Variants in FILIP1 observed in about 807,000 individuals in gnomAD.
FILIP1 encodes the protein filamin-A-interacting protein 1.
Under a neutral mutation model 102.1 loss-of-function variants are expected in FILIP1, and 61 were observed. The observed-to-expected ratio is 0.60, with a 90% confidence interval of 0.49 to 0.74. The LOEUF (loss-of-function observed/expected upper bound fraction) is 0.74. Among genes scored for constraint, FILIP1 ranks in the 30% least tolerant of loss-of-function variants. The probability of loss-of-function intolerance (pLI) is 0.00; values close to 1 mark genes in which losing one functional copy is unlikely to be tolerated. For missense variants in FILIP1, 1,314 were observed against 1,441.2 expected (o/e 0.91, Z 1.43); for synonymous variants, 491 against 526.9 (o/e 0.93, Z 0.93).
intron 2 of FILIP1, among the ~76,000 whole-genome samples, chr6:75,378,288 C>A (rs1451973403): frequency 6.6e-6 from 1 of 152,120 alleles, no homozygotes; most frequent in Non-Finnish European, 1.5e-5. Flanking sequence ...TGCCTGGGGC[C>A]ATTTTAAACA....
At chr6:75,370,779 G>A in intron 2 of FILIP1, among the ~76,000 whole-genome samples, 1 of 151,838 alleles carries the variant, frequency 6.6e-6, no homozygotes, top group Non-Finnish European at 1.5e-5. Flanking sequence ...GTTTCACCAT[G>A]TTGGCCAGGC....
At chr6:75,344,051 C>A (rs989891753) in intron 4 of FILIP1, among the ~76,000 whole-genome samples, 1 of 152,194 alleles carries the variant, frequency 6.6e-6, no homozygotes, top group South Asian at 2.1e-4. Context: ...AACAGCAATG[C>A]TTATGGCCCA....
chr6:75,462,202 C>T (rs1779042834), intron 1 of FILIP1, among the ~76,000 whole-genome samples: 2 of 152,178 alleles, frequency 1.3e-5, no homozygotes, highest in Admixed American at 6.6e-5. Flanking sequence ...AGATAGATCA[C>T]AATCAGAGGT....
At chr6:75,368,690 C>T (rs968150549) in intron 2 of FILIP1, among the ~76,000 whole-genome samples, 27 of 152,106 alleles carry the variant, frequency 1.8e-4, no homozygotes, top group Non-Finnish European at 2.9e-5. Flanking sequence ...TGAGAGTACT[C>T]TAGGCCCAGG....
intron 4 of FILIP1, among the ~76,000 whole-genome samples, chr6:75,342,925 T>C (rs1197791260): frequency 6.6e-6 from 1 of 152,246 alleles, no homozygotes; most frequent in Non-Finnish European, 1.5e-5. Context: ...TCCTGAATTC[T>C]TGGAGGGAGA....
downstream of FILIP1, chr6:75,308,062 A>G: frequency 1.0e-6 from 1 of 985,920 alleles, no homozygotes; most frequent in Non-Finnish European, 1.2e-6. Context: ...ACAGACACAC[A>G]CAAATAAGTA....
intron 4 of FILIP1, among the ~76,000 whole-genome samples, chr6:75,318,652 CAG>C (rs1265734990): frequency 4.6e-5 from 7 of 152,110 alleles, no homozygotes; most frequent in African/African-American, 1.7e-4. Flanking sequence ...TTTGCAATTA[CAG>C]AGTGGTATTC....
intron 2 of FILIP1, among the ~76,000 whole-genome samples, chr6:75,414,411 C>T (rs1386017972): frequency 6.6e-6 from 1 of 152,092 alleles, no homozygotes; most frequent in Non-Finnish European, 1.5e-5. Flanking sequence ...TGATTACCTA[C>T]TGACCGAAAG....
intron 1 of FILIP1, among the ~76,000 whole-genome samples, chr6:75,419,861 C>A (rs1434610130): frequency 2.6e-5 from 4 of 152,132 alleles, no homozygotes; most frequent in Non-Finnish European, 5.9e-5. Flanking sequence ...GAGGTTATCA[C>A]GTATTCTATA....
chr6:75,324,345 CAA>C (rs35302698), intron 4 of FILIP1, among the ~76,000 whole-genome samples: 5 of 105,336 alleles, frequency 4.7e-5, no homozygotes, highest in Non-Finnish European at 7.5e-5. Context: ...TATACCTAAC[CAA>C]AAAAAAAAAA....
At chr6:75,379,157 A>C (rs1775827727) in intron 2 of FILIP1, among the ~76,000 whole-genome samples, 1 of 152,240 alleles carries the variant, frequency 6.6e-6, no homozygotes, top group Non-Finnish European at 1.5e-5. Flanking sequence ...TCATAAAAGT[A>C]AGTTGTTATT....
At chr6:75,492,334 A>T (rs1256977230) in intron 1 of FILIP1, among the ~76,000 whole-genome samples, 1 of 152,168 alleles carries the variant, frequency 6.6e-6, no homozygotes, top group Non-Finnish European at 1.5e-5. Flanking sequence ...TTTTGGGTAA[A>T]TTCTTTCTTT....
At chr6:75,334,033 C>T (rs1683658329) in intron 4 of FILIP1, among the ~76,000 whole-genome samples, 1 of 152,138 alleles carries the variant, frequency 6.6e-6, no homozygotes, top group South Asian at 2.1e-4. Flanking sequence ...CTTTTCCACA[C>T]ATGCAAAGAG....
intron 4 of FILIP1, among the ~76,000 whole-genome samples, chr6:75,318,158 A>C (rs73751114): frequency 1.8e-3 from 272 of 151,434 alleles, no homozygotes; most frequent in African/African-American, 6.3e-3. Context: ...TTTCACTTCA[A>C]TGTCACTTCT....
chr6:75,395,010 C>A (rs1460046788), intron 2 of FILIP1, among the ~76,000 whole-genome samples: 1 of 152,074 alleles, frequency 6.6e-6, no homozygotes, highest in Non-Finnish European at 1.5e-5. Context: ...TGTCCTGCAA[C>A]AGGAGACTGC....
At chr6:75,318,610 A>C (rs1469434542) in intron 4 of FILIP1, among the ~76,000 whole-genome samples, 3 of 152,218 alleles carry the variant, frequency 2.0e-5, no homozygotes, top group Non-Finnish European at 4.4e-5. Flanking sequence ...AGAAGCATTC[A>C]GAATGTCAAC....
At chr6:75,445,236 AT>A (rs1348861648) in intron 1 of FILIP1, among the ~76,000 whole-genome samples, 1 of 152,118 alleles carries the variant, frequency 6.6e-6, no homozygotes, top group East Asian at 1.9e-4. Flanking sequence ...TTCTTGAGTC[AT>A]TTGCCAAGAT....
At chr6:75,372,703 AAGAAAGAAAGGAAAGAAAG>A (rs1775592463) in intron 2 of FILIP1, among the ~76,000 whole-genome samples, 3 of 54,862 alleles carry the variant, frequency 5.5e-5, no homozygotes, top group East Asian at 3.5e-4. Flanking sequence ...AAGAGAAAGA[AAGAAAGAAAGGAAAGAAAG>A]AGAAAGAGAA....
At chr6:75,378,423 G>T (rs1775809588) in intron 2 of FILIP1, among the ~76,000 whole-genome samples, 1 of 152,250 alleles carries the variant, frequency 6.6e-6, no homozygotes, top group African/African-American at 2.4e-5. Context: ...TTCAGCCTCT[G>T]TTGGAAACAT....
Sources: allele counts gnomAD v4.1 joint callset (sites outside exome capture counted in the v4.1 genomes callset), GRCh38; gene constraint gnomAD v4.1.1; transcripts MANE v1.5; gene names NCBI Gene and HGNC (gene_info 2026-07-23, HGNC 2026-07-21).